ATP2C2: variants seen among roughly 807,000 people sequenced by gnomAD.
ATP2C2 encodes the protein ATPase secretory pathway Ca2+ transporting 2.
A neutral mutation model predicts 110.8 loss-of-function variants in ATP2C2; 171 were observed. The ratio of observed to expected loss-of-function variants is 1.54; its 90% CI spans 1.36 to 1.75. The LOEUF (loss-of-function observed/expected upper bound fraction) is 1.75, where lower values mean the gene tolerates loss of function less well. Ranked by LOEUF, ATP2C2 falls within the 40% of genes most tolerant of loss-of-function variation. The probability of loss-of-function intolerance (pLI) is 0.00; values close to 1 mark genes in which losing one functional copy is unlikely to be tolerated. For missense variants in ATP2C2, 1,963 were observed against 1,235.0 expected (o/e 1.59, Z -8.84); for synonymous variants, 804 against 508.4 (o/e 1.58, Z -7.82).
intron 7 of ATP2C2, among the ~76,000 whole-genome samples, chr16:84,417,229 G>A (rs1906921365): frequency 6.6e-6 from 1 of 152,210 alleles, no homozygotes; most frequent in Non-Finnish European, 1.5e-5. Flanking sequence ...GCCTGGCACA[G>A]GTGAGTGAGA....
At chr16:84,448,784 C>T (rs997346903) in intron 17 of ATP2C2, 95 bp downstream of exon 17, 31 of 1,494,038 alleles carry the variant, frequency 2.1e-5, no homozygotes, top group South Asian at 8.1e-5. Flanking sequence ...AGGAGGTCAC[C>T]CGTCCCAAGG....
At position 84,448,703 on chromosome 16, in the gene ATP2C2, G is replaced by T; in HGVS notation, c.1660+14G>T. The T allele has an allele frequency of 6.2e-7, 1 of 1,605,474 alleles. No homozygotes were observed. The highest frequency in any genetic ancestry group is 8.5e-7 in the Non-Finnish European group (1 of 1,175,070). ...TCGGTTTGCGGGGTCAGTGCCTGTG[G>T]TCCCGGCCCAGAGCTTTAAGCTTGC... is the stretch of plus-strand genomic sequence containing the variant. On this transcript the variant is annotated intron_variant, in intron 17 of 26. Coordinates refer to ENST00000262429, the MANE Select transcript of ATP2C2 (RefSeq NM_014861.4).
At position 84,447,499 on chromosome 16, in the gene ATP2C2, A is replaced by G. The variant is rs112208572; in HGVS notation, c.1504-1034A>G. ...GGAGCATTGCAGATTTTAAATATGC[A>G]AACGACAACATCTGGATGGTATTTT... is the stretch of plus-strand genomic sequence containing the variant. On this transcript the variant is annotated intron_variant, in intron 16 of 26. Coordinates refer to ENST00000262429, the MANE Select transcript of ATP2C2 (RefSeq NM_014861.4). Among the ~76,000 whole-genome samples, 184 of 152,018 alleles carry G rather than the reference A, an allele frequency of 1.2e-3. 2 individuals carry two copies. The highest frequency in any genetic ancestry group is 3.8e-3 in the African/African-American group (157 of 41,442).
intron 21 of ATP2C2, 28 bp from the exon 22 acceptor site, chr16:84,459,092 G>T (rs371356141): frequency 8.7e-6 from 14 of 1,613,494 alleles, no homozygotes; most frequent in Admixed American, 1.7e-5. Flanking sequence ...GGCCCGCTCC[G>T]TGAGTAAATG....
At chr16:84,454,699 A>C in intron 20 of ATP2C2, 119 bp from the exon 21 acceptor site, 13 of 1,044,294 alleles carry the variant, frequency 1.2e-5, no homozygotes, top group Non-Finnish European at 1.7e-5. Flanking sequence ...TGAAGCTGGG[A>C]TTCGAATTCC....
intron 21 of ATP2C2, among the ~76,000 whole-genome samples, chr16:84,455,449 C>T (rs1003818167): frequency 6.6e-6 from 1 of 152,160 alleles, no homozygotes; most frequent in Non-Finnish European, 1.5e-5. Flanking sequence ...TGCAAAGAGA[C>T]CTGGGCAGAA....
rs551219477 is a variant in ATP2C2, at chr16:84,463,846, G to T, written c.*114G>T. Reference sequence around the variant, plus strand: ...TAGGAGGCCGCAGCCTTCCATCACCGGATCAGTTTTTCCTCTTAGGAAAGC... The same window carrying T: ...TAGGAGGCCGCAGCCTTCCATCACCTGATCAGTTTTTCCTCTTAGGAAAGC... On this transcript the variant is annotated 3_prime_UTR_variant, in exon 27 of 27. Transcript: ENST00000262429. 4.1e-5 allele frequency: 39 copies of T among 951,938 alleles called. No individual in the cohort carries two copies. The African/African-American group carries it at 4.9e-4, about 12-fold the overall frequency. 59.0% of individuals were successfully genotyped at this position (951,938 alleles called of 1,614,324 possible).
In ATP2C2 at chr16:84,448,544, C is replaced by T. The variant is rs747581393; in HGVS notation, c.1515C>T (p.Asp505=). Residue 505 remains aspartate, a synonymous_variant, in exon 17 of 27, where the codon GAC becomes GAT. Transcript: ENST00000262429. ...TTGTCTTTTCTAAGGATCAGGAAGACATTTACTTCATGAAAGGGGCCTTGG... is the reference window on the plus strand; with the variant it reads ...TTGTCTTTTCTAAGGATCAGGAAGATATTTACTTCATGAAAGGGGCCTTGG... ...KCSLKTEDQE[D]IYFMKGALEE... is the part of the protein sequence containing the mutation. 2.5e-6 allele frequency: 4 copies of T among 1,611,888 alleles called. No individual in the cohort carries two copies. Among genetic ancestry groups the T allele is most frequent in the African/African-American group, 1.3e-5 (1 of 74,842 alleles).
chr16:84,374,116 A>G (rs1250705503), intron 1 of ATP2C2, among the ~76,000 whole-genome samples: 16 of 152,234 alleles, frequency 1.1e-4, no homozygotes, highest in Admixed American at 6.5e-5. Flanking sequence ...TGTATGTACT[A>G]CTACACTTAG....
chr16:84,463,726 T>C lies in ATP2C2; in HGVS notation c.2835T>C (p.Asp945=), dbSNP rs772695158. Residue 945 remains aspartate, a synonymous_variant, in exon 27 of 27, where the codon GAT becomes GAC. Transcript: ENST00000262429. Reference sequence around the variant, plus strand: ...AGAGAGTCCAGATGCACCCTGAAGATGTGTAGTGGACCGCACTCCGCGGCA... The same window carrying C: ...AGAGAGTCCAGATGCACCCTGAAGACGTGTAGTGGACCGCACTCCGCGGCA... ...SPKRVQMHPE[D]V 83 of 1,611,546 alleles carry C rather than the reference T, an allele frequency of 5.2e-5. No individual in the cohort carries two copies. Among genetic ancestry groups the C allele is most frequent in the Middle Eastern group, 1.6e-4 (1 of 6,076 alleles).
intron 11 of ATP2C2, among the ~76,000 whole-genome samples, chr16:84,431,728 A>G (rs1000313750): frequency 3.3e-5 from 5 of 152,266 alleles, no homozygotes; most frequent in Admixed American, 3.3e-4. Flanking sequence ...GGGGAAACTC[A>G]TGGCCCCTTC....
At chr16:84,419,195 G>T (rs1195520543) in intron 7 of ATP2C2, among the ~76,000 whole-genome samples, 1 of 119,650 alleles carries the variant, frequency 8.4e-6, no homozygotes, top group Non-Finnish European at 1.6e-5. Flanking sequence ...GTGACAGAGT[G>T]AGACCCCATC....
At position 84,440,843 on chromosome 16, in the gene ATP2C2, G is replaced by T. The variant is rs778021383; in HGVS notation, c.1210-14G>T. On this transcript the variant is annotated splice_polypyrimidine_tract_variant and intron_variant, in intron 13 of 26. Transcript: ENST00000262429. Reference sequence around the variant, plus strand: ...GACTCTTGGCGAAACCCTTTCTTCTGCCTCGCCCTGCAGGTCAGCGGAGTT... The same window carrying T: ...GACTCTTGGCGAAACCCTTTCTTCTTCCTCGCCCTGCAGGTCAGCGGAGTT... 5.6e-6 allele frequency: 9 copies of T among 1,603,424 alleles called. No individual in the cohort carries two copies. The highest frequency in any genetic ancestry group is 7.7e-6 in the Non-Finnish European group (9 of 1,173,200).
chr16:84,417,024 G>A (rs1906899239), intron 7 of ATP2C2, among the ~76,000 whole-genome samples: 1 of 152,184 alleles, frequency 6.6e-6, no homozygotes, highest in Non-Finnish European at 1.5e-5. Flanking sequence ...ATGAGAGGTG[G>A]CCAATGACCT....
intron 2 of ATP2C2, among the ~76,000 whole-genome samples, chr16:84,403,003 C>T (rs7198878): frequency 0.37 from 56,365 of 151,954 alleles, 11,682 homozygotes; most frequent in South Asian, 0.58. Context: ...TTCATGGTTC[C>T]ATCTTGGTAG....
intron 18 of ATP2C2, among the ~76,000 whole-genome samples, chr16:84,452,497 CTTTTTTTT>C (rs397816630): frequency 1.7e-5 from 2 of 118,360 alleles, no homozygotes; most frequent in Non-Finnish European, 3.3e-5. Flanking sequence ...CCTCTAGTTA[CTTTTTTTT>C]TTTTTTTTTT....
intron 16 of ATP2C2, among the ~76,000 whole-genome samples, chr16:84,447,988 G>A (rs933958861): frequency 6.6e-6 from 1 of 151,986 alleles, no homozygotes; most frequent in Admixed American, 6.6e-5. Context: ...TAGGGGTACA[G>A]TGTGACTCTC....
intron 11 of ATP2C2, among the ~76,000 whole-genome samples, chr16:84,431,705 T>C (rs1289159701): frequency 1.3e-5 from 2 of 151,578 alleles, no homozygotes; most frequent in Non-Finnish European, 2.9e-5. Context: ...GATGATGGAG[T>C]TGCTTAGATC....
chr16:84,403,925 A>G (rs1320312836), intron 2 of ATP2C2, among the ~76,000 whole-genome samples: 3 of 152,186 alleles, frequency 2.0e-5, no homozygotes, highest in Non-Finnish European at 2.9e-5. Context: ...TCCCGACCTC[A>G]GGTGATCTGC....
Sources: allele counts gnomAD v4.1 joint callset (sites outside exome capture counted in the v4.1 genomes callset), GRCh38; gene constraint gnomAD v4.1.1; transcripts MANE v1.5; gene names NCBI Gene and HGNC (gene_info 2026-07-23, HGNC 2026-07-21).